NEMF: variants seen among roughly 807,000 people sequenced by gnomAD.
NEMF encodes the protein nuclear export mediator factor.
A neutral mutation model predicts 162.2 loss-of-function variants in NEMF; 89 were observed. That is an observed-to-expected ratio of 0.55 (90% CI 0.46 to 0.65). The LOEUF (loss-of-function observed/expected upper bound fraction) is 0.65. Ranked by LOEUF, NEMF falls within the 30% of genes least tolerant of loss-of-function variation. The pLI, the probability that NEMF is intolerant of heterozygous loss-of-function variation, is 0.00. For missense variants in NEMF, 1,133 were observed against 1,261.9 expected, an observed-to-expected ratio of 0.90 and a Z score of 1.55; for synonymous variants, 421 against 404.5, an observed-to-expected ratio of 1.04 and a Z score of -0.49.
At chr14:49,838,665 A>C (rs1441563951) in intron 5 of NEMF, among the ~76,000 whole-genome samples, 10 of 150,798 alleles carry the variant, frequency 6.6e-5, no homozygotes, top group Non-Finnish European at 1.5e-5. Context: ...GCTCGCTACA[A>C]GCTCCGCCTC....
At position 49,789,569 on chromosome 14, in the gene NEMF, T is replaced by C. The variant is rs1429498313; in HGVS notation, c.2624A>G (p.Lys875Arg). The change falls in exon 27 of 33, where the codon AAA becomes AGA. Residue 875 changes from lysine (K) to arginine (R), a missense_variant. Coordinates refer to ENST00000298310, the MANE Select transcript of NEMF (RefSeq NM_004713.6). ...VQPMKRGQKS[K>R]MKKMKEKYKD... The stretch of plus-strand genomic sequence containing the variant: ...GTATTTTTCTTTCATTTTTTTCATT[T>C]TACTCTACAAAATCAGAAGATTTTG... 6.2e-7 allele frequency: 1 copy of C among 1,608,606 alleles called. No individual in the cohort carries two copies. Among genetic ancestry groups the C allele is most frequent in the Non-Finnish European group, 8.5e-7 (1 of 1,178,830 alleles).
chr14:49,840,985 T>G (rs1023910358), intron 4 of NEMF, 119 bp from the exon 5 acceptor site: 16 of 803,744 alleles, frequency 2.0e-5, no homozygotes, highest in Non-Finnish European at 3.0e-5. Context: ...TCACTTGAGG[T>G]CAGGACTTTG....
intron 18 of NEMF, among the ~76,000 whole-genome samples, chr14:49,808,473 C>A (rs955178982): frequency 6.6e-6 from 1 of 152,124 alleles, no homozygotes; most frequent in Non-Finnish European, 1.5e-5. Flanking sequence ...CCGTGCCGGG[C>A]TGAATTAAGG....
At chr14:49,809,455 G>C (rs1266485071) in intron 18 of NEMF, among the ~76,000 whole-genome samples, 1 of 152,172 alleles carries the variant, frequency 6.6e-6, no homozygotes, top group Non-Finnish European at 1.5e-5. Context: ...AGGGAGGGAT[G>C]AACAGGCAGG....
At chr14:49,845,848 G>A (rs1270714138) in intron 4 of NEMF, 2 of 449,670 alleles carry the variant, frequency 4.4e-6, no homozygotes, top group Non-Finnish European at 7.8e-6. Flanking sequence ...ACTATTTTCT[G>A]GTTGCATATT....
In NEMF at chr14:49,785,112, C is replaced by T; in HGVS notation, c.3053G>A (p.Gly1018Glu). 1 of 1,606,042 alleles carries T rather than the reference C, an allele frequency of 6.2e-7. No homozygotes were observed. The highest frequency in any genetic ancestry group is 8.5e-7 in the Non-Finnish European group (1 of 1,172,892). Residue 1018 changes from glycine (G) to glutamate (E), a missense_variant, in exon 31 of 33, where the codon GGA becomes GAA. Around this residue, in one of 3 missense-constraint regions of NEMF, gnomAD observed 532 missense variants for 578.6 expected, o/e 0.92. Coordinates refer to ENST00000298310, the MANE Select transcript of NEMF (RefSeq NM_004713.6). ...NYKYKVKLTP[G>E]VQKKGKAAKT... ...AATACCTTTTCCCTTTTTCTGCACT[C>T]CAGGAGTAAGTTTCACTTTATATCT...
chr14:49,826,415 C>A lies in NEMF; in HGVS notation c.1489-460G>T, dbSNP rs560972275. Among the ~76,000 whole-genome samples, 12 of 151,370 alleles carry A rather than the reference C, an allele frequency of 7.9e-5. No individual in the cohort carries two copies. In the South Asian group the frequency reaches 2.5e-3, roughly 32 times the overall value. ...TTCTAAAGATGCTACAGGAATATAACAAGGAAACCCGATTTACACTGGGTT... is the reference window on the plus strand; with the variant it reads ...TTCTAAAGATGCTACAGGAATATAAAAAGGAAACCCGATTTACACTGGGTT... On this transcript the variant is annotated intron_variant, in intron 15 of 32. Transcript: ENST00000298310.
At chr14:49,821,003 T>TA (rs1566681129) in intron 16 of NEMF, among the ~76,000 whole-genome samples, 1 of 16,384 alleles carries the variant, frequency 6.1e-5, no homozygotes, top group African/African-American at 7.3e-5. Flanking sequence ...CGGCCGCCCA[T>TA]CATCTGAGAT....
intron 18 of NEMF, among the ~76,000 whole-genome samples, chr14:49,811,757 C>G (rs1181019931): frequency 6.6e-6 from 1 of 152,128 alleles, no homozygotes; most frequent in Non-Finnish European, 1.5e-5. Flanking sequence ...TTTCCATATA[C>G]TGAACCAAGC....
Position 49,825,825 on chromosome 14 carries a change from A to T in NEMF, c.1577+42T>A. 4 of 1,334,482 alleles carry T rather than the reference A, an allele frequency of 3.0e-6. No homozygotes were observed. In the South Asian group the frequency reaches 5.0e-5, roughly 17 times the overall value. The allele number at this position is 1,334,482 out of a possible 1,614,324, so 82.7% of individuals were successfully genotyped here. A position where few individuals can be genotyped will look rare whatever the true frequency, so the allele number is the denominator to read the frequency against. On this transcript the variant is annotated intron_variant, in intron 16 of 32. Coordinates refer to ENST00000298310, the MANE Select transcript of NEMF (RefSeq NM_004713.6). ...CTAAACAATGTGCATGGATAATTTTAATAAAAACAAAAACTGTATTTGAAA... is the reference window on the plus strand; with the variant it reads ...CTAAACAATGTGCATGGATAATTTTTATAAAAACAAAAACTGTATTTGAAA...
chr14:49,789,843 A>G (rs1890358626), intron 26 of NEMF, among the ~76,000 whole-genome samples: 1 of 152,252 alleles, frequency 6.6e-6, no homozygotes, highest in African/African-American at 2.4e-5. Context: ...AAAGTAAAAC[A>G]GTATTGGAAA....
chr14:49,805,975 C>T (rs960845595), intron 19 of NEMF, 46 bp downstream of exon 19: 10 of 1,381,446 alleles, frequency 7.2e-6, no homozygotes, highest in African/African-American at 2.9e-5. Flanking sequence ...ATTTGGCACA[C>T]AGTAGCTCTT....
chr14:49,802,562 A>G lies in NEMF; in HGVS notation c.1986T>C (p.Ser662=), dbSNP rs1030441670. 1.2e-6 allele frequency: 2 copies of G among 1,613,952 alleles called. No individual in the cohort carries two copies. The highest frequency in any genetic ancestry group is 2.2e-5 in the South Asian group (2 of 91,040). The change falls in exon 22 of 33, where the codon TCT becomes TCC. Residue 662 remains serine (S), a synonymous_variant. Transcript: ENST00000298310. ...GFSFLFKVDE[S]CVWRHQGERK... ...GTTCACCCTGATGTCTCCAAACACA[A>G]GACTCATCTACCTAAAGAAACAGTT... is the stretch of plus-strand genomic sequence containing the variant.
intron 16 of NEMF, among the ~76,000 whole-genome samples, chr14:49,821,949 A>G (rs551967072): frequency 2.7e-3 from 408 of 152,234 alleles, no homozygotes; most frequent in African/African-American, 8.5e-3. Context: ...GAGACTTTTC[A>G]TTTTGTTCTG....
chr14:49,791,380 G>T (rs2139831515), intron 26 of NEMF, among the ~76,000 whole-genome samples: 1 of 152,244 alleles, frequency 6.6e-6, no homozygotes, highest in South Asian at 2.1e-4. Flanking sequence ...CTTCTGGGAT[G>T]CTGGAAACAT....
At chr14:49,826,574 A>T (rs1892360454) in intron 15 of NEMF, among the ~76,000 whole-genome samples, 1 of 150,446 alleles carries the variant, frequency 6.6e-6, no homozygotes. Flanking sequence ...CAGCAAGTAC[A>T]GCAAGTAGTA....
At chr14:49,833,161 G>C (rs1346594243) in intron 8 of NEMF, among the ~76,000 whole-genome samples, 3 of 152,124 alleles carry the variant, frequency 2.0e-5, no homozygotes, top group African/African-American at 7.2e-5. Flanking sequence ...AGCTACTCGG[G>C]AGGCTGAGAC....
chr14:49,816,747 T>C (rs777890046), intron 16 of NEMF, among the ~76,000 whole-genome samples: 1 of 152,246 alleles, frequency 6.6e-6, no homozygotes, highest in Non-Finnish European at 1.5e-5. Context: ...ATTTTCTTCA[T>C]TGCTGAATGG....
chr14:49,834,491 A>G (rs1892801337), intron 6 of NEMF, 42 bp from the exon 7 acceptor site: 5 of 1,380,478 alleles, frequency 3.6e-6, no homozygotes, highest in Non-Finnish European at 5.1e-6. Flanking sequence ...TTTCCTATAA[A>G]TTCTTTTTTG....
Sources: allele counts gnomAD v4.1 joint callset (sites outside exome capture counted in the v4.1 genomes callset), GRCh38; gene constraint gnomAD v4.1.1; regional missense constraint gnomAD v4.1.1; transcripts MANE v1.5; gene names NCBI Gene and HGNC (gene_info 2026-07-23, HGNC 2026-07-21).